The following ZNF195 variants were observed in gnomAD, a reference collection of about 807,000 sequenced individuals.
ZNF195 encodes the protein hypoxia-regulated factor-1.
A neutral mutation model predicts 19.5 loss-of-function variants in ZNF195; 11 were observed. The observed-to-expected ratio is 0.57, with a 90% CI of 0.36 to 0.94. The LOEUF is 0.94. ZNF195 is among the 40% of genes least tolerant of loss of function. ZNF195 has a pLI of 0.01. For missense variants in ZNF195, 582 were observed against 709.0 expected, an observed-to-expected ratio of 0.82 and a Z score of 2.03; for synonymous variants, 214 against 248.1, an observed-to-expected ratio of 0.86 and a Z score of 1.29.
Position 3,379,031 on chromosome 11 carries a change from C to T in ZNF195, c.3+7G>A. ...TGTCTCTCAGGAGGCCTGGCCCCTA[C>T]ACTCACCATCTCCTGGCCTCCAGAG... On this transcript the variant is annotated splice_region_variant and intron_variant, in intron 1 of 5. Coordinates refer to ENST00000399602, the MANE Select transcript of ZNF195 (RefSeq NM_001130520.3). 2 of 1,493,328 alleles carry T rather than the reference C, an allele frequency of 1.3e-6. No individual in the cohort carries two copies. Among genetic ancestry groups the T allele is most frequent in the Non-Finnish European group, 9.0e-7 (1 of 1,111,442 alleles). The allele number at this position is 1,493,328 out of a possible 1,614,324, so 92.5% of individuals were successfully genotyped here.
At chr11:3,360,993 G>A (rs947655664) in intron 4 of ZNF195, among the ~76,000 whole-genome samples, 103 of 152,242 alleles carry the variant, frequency 6.8e-4, no homozygotes, top group Non-Finnish European at 1.5e-5. Flanking sequence ...CCTGTGACAC[G>A]GAGTGCTGAG....
rs184239505 is a variant in ZNF195 at position 3,360,840 on chromosome 11, C to T, written c.374-52G>A. 8,639 of 1,472,746 alleles carry T rather than the reference C, an allele frequency of 5.9e-3. 43 individuals are homozygous for T. The highest frequency in any genetic ancestry group is 8.0e-3 in the Middle Eastern group (46 of 5,768). The allele number at this position is 1,472,746 out of a possible 1,614,324, so 91.2% of individuals were successfully genotyped here. A position where few individuals can be genotyped will look rare whatever the true frequency, so the allele number is the denominator to read the frequency against. On this transcript the variant is annotated intron_variant, in intron 4 of 5. Coordinates refer to ENST00000399602, the MANE Select transcript of ZNF195 (RefSeq NM_001130520.3). ...GTCTGTTACGTTTACCCACTGCAGCCCCCGCTCCTCCGCAGTATAGCATCA... is the reference window on the plus strand; with the variant it reads ...GTCTGTTACGTTTACCCACTGCAGCTCCCGCTCCTCCGCAGTATAGCATCA...
At chr11:3,362,664 AC>A (rs1848689386) in intron 3 of ZNF195, 1 of 483,630 alleles carries the variant, frequency 2.1e-6, no homozygotes, top group East Asian at 3.1e-5. Context: ...AGTACAAGAC[AC>A]AAAAAGGAAA....
At position 3,361,739 on chromosome 11, in the gene ZNF195, T is replaced by C. The variant is rs1376972479; in HGVS notation, c.373+4A>G. The C allele has an allele frequency of 7.7e-7, 1 of 1,301,470 alleles. No homozygotes were observed. The highest frequency in any genetic ancestry group is 1.2e-5 in the South Asian group (1 of 80,890). The allele number at this position is 1,301,470 out of a possible 1,614,324, so 80.6% of individuals were successfully genotyped here. A position where few individuals can be genotyped will look rare whatever the true frequency, so the allele number is the denominator to read the frequency against. On this transcript the variant is annotated splice_donor_region_variant and intron_variant, in intron 4 of 5. Coordinates refer to ENST00000399602, the MANE Select transcript of ZNF195 (RefSeq NM_001130520.3). ...AAGCAAGGTACATGCTCTTAGGAGA[T>C]TACCAGTGAATTTGTCCACAGAAAC...
chr11:3,376,495 A>G (rs7122552), intron 1 of ZNF195, among the ~76,000 whole-genome samples: 111,678 of 152,128 alleles, frequency 0.73, 41,534 homozygotes, highest in Middle Eastern at 0.79. Flanking sequence ...ACTCAGTATT[A>G]GCCTTAGCTT....
intron 1 of ZNF195, among the ~76,000 whole-genome samples, chr11:3,373,014 A>G (rs10741952): frequency 0.91 from 138,272 of 152,316 alleles, 62,850 homozygotes; most frequent in East Asian, 0.99. Flanking sequence ...GATTATAGGC[A>G]TGAGCCACCA....
chr11:3,378,006 A>T, intron 1 of ZNF195: 1 of 919,242 alleles, frequency 1.1e-6, no homozygotes, highest in East Asian at 1.2e-4. Flanking sequence ...CAGAAAACAA[A>T]TCTCTTAAAA....
At chr11:3,362,729 A>G in intron 3 of ZNF195, 1 of 380,660 alleles carries the variant, frequency 2.6e-6, no homozygotes, top group South Asian at 7.8e-5. Flanking sequence ...TGGCTAAAGT[A>G]CATCTTTTCA....
At position 3,366,326 on chromosome 11, in the gene ZNF195, G is replaced by A. The variant is rs376988496; in HGVS notation, c.227-4437C>T. 3.0e-4 allele frequency among the ~76,000 whole-genome samples: 45 copies of A among 148,402 alleles called. No homozygotes were observed. In the East Asian group the frequency reaches 5.7e-3, roughly 19 times the overall value. On this transcript the variant is annotated intron_variant, in intron 3 of 5. Transcript: ENST00000399602. ...AAAATATAGGACAGCAAATGCATAAGCAACAAAAGAACAGAAAAACTGAAC... is the reference window on the plus strand; with the variant it reads ...AAAATATAGGACAGCAAATGCATAAACAACAAAAGAACAGAAAAACTGAAC...
chr11:3,358,638 ATG>A lies in ZNF195; in HGVS notation c.*478_*479del, dbSNP rs1453101374. ...TTCAATGCAAAAAAGTATATTTTGAATGTAATTATAACTCTACAAAAACTCAG... is the reference window on the plus strand; with the variant it reads ...TTCAATGCAAAAAAGTATATTTTGAATAATTATAACTCTACAAAAACTCAG... On this transcript the variant is annotated 3_prime_UTR_variant, in exon 6 of 6. Coordinates refer to ENST00000399602, the MANE Select transcript of ZNF195 (RefSeq NM_001130520.3). 1.3e-5 allele frequency: 2 copies of A among 152,372 alleles called. No individual in the cohort carries two copies. Among genetic ancestry groups the A allele is most frequent in the African/African-American group, 4.8e-5 (2 of 41,482 alleles). The allele number at this position is 152,372 out of a possible 1,614,324, so 9.4% of individuals were successfully genotyped here.
intron 3 of ZNF195, chr11:3,362,817 A>G (rs1413129218): frequency 3.6e-6 from 1 of 274,426 alleles, no homozygotes; most frequent in Non-Finnish European, 6.8e-6. Flanking sequence ...CCAAACTAAG[A>G]TCAAACTACA....
Position 3,360,064 on chromosome 11 carries a change from A to G in ZNF195, c.944T>C (p.Leu315Pro). The G allele has an allele frequency of 6.2e-7, 1 of 1,614,134 alleles. No homozygotes were observed. Among genetic ancestry groups the G allele is most frequent in the East Asian group, 2.2e-5 (1 of 44,880 alleles). Residue 315 changes from leucine to proline, a missense_variant, in exon 6 of 6, where the codon CTT becomes CCT. Transcript: ENST00000399602. ...TCCGGCATAAATTCTATTTTTAGTAAGGACTGAGCAAGTTTTAATGACGTT... is the reference window on the plus strand; with the variant it reads ...TCCGGCATAAATTCTATTTTTAGTAGGGACTGAGCAAGTTTTAATGACGTT... ...CNNVIKTCSV[L>P]TKNRIYAGGE...
At chr11:3,370,598 C>T (rs985044458) in intron 3 of ZNF195, among the ~76,000 whole-genome samples, 3 of 152,206 alleles carry the variant, frequency 2.0e-5, no homozygotes, top group South Asian at 2.1e-4. Flanking sequence ...GCCTCTCGCA[C>T]ACTTCAGACA....
At position 3,362,303 on chromosome 11, in the gene ZNF195, T is replaced by C. The variant is rs371640518; in HGVS notation, c.227-414A>G. Among the ~76,000 whole-genome samples, 15 of 152,212 alleles carry C rather than the reference T, an allele frequency of 9.9e-5. No homozygotes were observed. In the East Asian group the frequency reaches 1.2e-3, roughly 12 times the overall value. The stretch of plus-strand genomic sequence containing the variant: ...ATATATAATCATATCAAAATAAATA[T>C]ATGGAAAAGATACGCATATACAGAA... On this transcript the variant is annotated intron_variant, in intron 3 of 5. Transcript: ENST00000399602.
intron 3 of ZNF195, among the ~76,000 whole-genome samples, chr11:3,364,372 A>G (rs1465087006): frequency 1.3e-5 from 2 of 152,204 alleles, no homozygotes; most frequent in Non-Finnish European, 2.9e-5. Flanking sequence ...TTATAAAACC[A>G]TATGAAAATA....
rs150450156 is a variant in ZNF195 at position 3,362,332 on chromosome 11, T to C, written c.227-443A>G. On this transcript the variant is annotated intron_variant, in intron 3 of 5. Coordinates refer to ENST00000399602, the MANE Select transcript of ZNF195 (RefSeq NM_001130520.3). Reference sequence around the variant, plus strand: ...GAAAAGATACGCATATACAGAAAAATAAAATTCTGTGGTACTATAATGATG... The same window carrying C: ...GAAAAGATACGCATATACAGAAAAACAAAATTCTGTGGTACTATAATGATG... Among the ~76,000 whole-genome samples, 575 of 152,068 alleles carry C rather than the reference T, an allele frequency of 3.8e-3. 4 individuals are homozygous for C. Among genetic ancestry groups the C allele is most frequent in the African/African-American group, 0.013 (533 of 41,476 alleles).
intron 3 of ZNF195, among the ~76,000 whole-genome samples, chr11:3,365,149 T>C (rs1446510765): frequency 2.6e-5 from 4 of 152,202 alleles, no homozygotes; most frequent in African/African-American, 9.7e-5. Context: ...CTCCCAGATA[T>C]ATAAAGCAAA....
At chr11:3,374,566 G>A (rs1849363540) in intron 1 of ZNF195, among the ~76,000 whole-genome samples, 1 of 152,210 alleles carries the variant, frequency 6.6e-6, no homozygotes. Flanking sequence ...CAGGCACGGG[G>A]TGCTCGGATG....
At chr11:3,367,930 AG>A (rs2133700416) in intron 3 of ZNF195, among the ~76,000 whole-genome samples, 1 of 152,080 alleles carries the variant, frequency 6.6e-6, no homozygotes, top group South Asian at 2.1e-4. Context: ...AAAATTAGCC[AG>A]GCGTGGTGGT....
Sources: allele counts gnomAD v4.1 joint callset (sites outside exome capture counted in the v4.1 genomes callset), GRCh38; gene constraint gnomAD v4.1.1; transcripts MANE v1.5; gene names NCBI Gene and HGNC (gene_info 2026-07-23, HGNC 2026-07-21).